Variants in SPIDR observed in about 807,000 individuals in gnomAD.
SPIDR encodes the protein DNA repair-scaffolding protein.
In SPIDR, 93 loss-of-function variants were observed where a neutral mutation model predicts 104.6. The ratio of observed to expected loss-of-function variants is 0.89; its 90% CI spans 0.75 to 1.06. The LOEUF (loss-of-function observed/expected upper bound fraction) is 1.06. SPIDR is among the 50% of genes least tolerant of loss of function. The probability of loss-of-function intolerance (pLI) is 0.00; values close to 1 mark genes in which losing one functional copy is unlikely to be tolerated. For synonymous variants in SPIDR, 431 were observed against 416.9 expected (o/e 1.03, Z -0.41); for missense variants, 1,154 against 1,111.2 (o/e 1.04, Z -0.55).
At chr8:47,528,589 A>G (rs546771497) in intron 8 of SPIDR, among the ~76,000 whole-genome samples, 1 of 152,284 alleles carries the variant, frequency 6.6e-6, no homozygotes, top group South Asian at 2.1e-4. Context: ...TGGGTGAAGG[A>G]GAGAAATGGA....
At chr8:47,345,427 G>A (rs2051738549) in intron 5 of SPIDR, among the ~76,000 whole-genome samples, 1 of 152,166 alleles carries the variant, frequency 6.6e-6, no homozygotes, top group Admixed American at 6.5e-5. Flanking sequence ...TTTGGCTTAG[G>A]ATTGACTTGG....
chr8:47,575,468 C>T (rs1357590778), intron 8 of SPIDR, among the ~76,000 whole-genome samples: 1 of 150,114 alleles, frequency 6.7e-6, no homozygotes, highest in Non-Finnish European at 1.5e-5. Context: ...ACGGTGAAAC[C>T]CCGTCTCTAC....
chr8:47,333,778 C>G (rs1056162483), intron 5 of SPIDR, among the ~76,000 whole-genome samples: 6 of 152,318 alleles, frequency 3.9e-5, no homozygotes, highest in East Asian at 3.9e-4. Context: ...ATGCATTGCA[C>G]TATAAGGTTA....
At chr8:47,539,544 T>G (rs2087682477) in intron 8 of SPIDR, among the ~76,000 whole-genome samples, 1 of 152,192 alleles carries the variant, frequency 6.6e-6, no homozygotes, top group African/African-American at 2.4e-5. Context: ...ATTGAACACT[T>G]TTTCAAGCAT....
Position 47,685,513 on chromosome 8 carries a change from A to ATT in SPIDR, c.1685+11574_1685+11575dup, listed in dbSNP as rs376980650. On this transcript the variant is annotated intron_variant, in intron 11 of 19. Coordinates refer to ENST00000297423, the MANE Select transcript of SPIDR (RefSeq NM_001080394.4). ...TATTTATTTATTTATTTATTTATTT[A>ATT]TTTATTTTTTTGAGACAGTCTCTCT... Among the ~76,000 whole-genome samples, 17 of 121,048 alleles carry ATT rather than the reference A, an allele frequency of 1.4e-4. 2 individuals carry two copies. The East Asian group carries it at 1.9e-3, about 13-fold the overall frequency. The allele number at this position is 121,048 out of a possible 152,430, so 79.4% of individuals were successfully genotyped here.
At chr8:47,532,039 T>A (rs558427265) in intron 8 of SPIDR, among the ~76,000 whole-genome samples, 1 of 149,604 alleles carries the variant, frequency 6.7e-6, no homozygotes, top group East Asian at 2.0e-4. Context: ...TGAACTCTAA[T>A]TAAAAGACAA....
chr8:47,690,119 G>A (rs1395401889), intron 11 of SPIDR, among the ~76,000 whole-genome samples: 1 of 152,116 alleles, frequency 6.6e-6, no homozygotes, highest in Non-Finnish European at 1.5e-5. Flanking sequence ...TGGTAGTGTG[G>A]GTTTTTCCAC....
intron 5 of SPIDR, among the ~76,000 whole-genome samples, chr8:47,302,960 C>A (rs965230209): frequency 6.6e-6 from 1 of 152,236 alleles, no homozygotes; most frequent in Non-Finnish European, 1.5e-5. Context: ...AGAACCACTA[C>A]TCTCTTCAAA....
Position 47,440,402 on chromosome 8 carries a change from G to T in SPIDR, c.957G>T (p.Gln319His). 1 of 1,614,242 alleles carries T rather than the reference G, an allele frequency of 6.2e-7. No homozygotes were observed. The highest frequency in any genetic ancestry group is 1.1e-5 in the South Asian group (1 of 91,088). ...ECAMQVAMCE[Q>H]LLGSPATSSS... ...CCATGCAAGTTGCCATGTGTGAGCAGTTATTGGGGTCACCAGCCACCAGCT... is the reference window on the plus strand; with the variant it reads ...CCATGCAAGTTGCCATGTGTGAGCATTTATTGGGGTCACCAGCCACCAGCT... Residue 319 changes from glutamine (Q) to histidine (H), a missense_variant, in exon 8 of 20, where the codon CAG becomes CAT. Physicochemically the swap from Gln to His is conservative, Grantham distance 24 (BLOSUM62 0). Coordinates refer to ENST00000297423, the MANE Select transcript of SPIDR (RefSeq NM_001080394.4).
At chr8:47,663,023 G>C (rs2074363773) in intron 10 of SPIDR, among the ~76,000 whole-genome samples, 1 of 152,220 alleles carries the variant, frequency 6.6e-6, no homozygotes, top group Non-Finnish European at 1.5e-5. Flanking sequence ...TGTTAGAGCA[G>C]CTCAAATGGA....
At position 47,715,429 on chromosome 8, in the gene SPIDR, G is replaced by A. The variant is rs892340821; in HGVS notation, c.2341+1788G>A. On this transcript the variant is annotated intron_variant, in intron 16 of 19. Coordinates refer to ENST00000297423, the MANE Select transcript of SPIDR (RefSeq NM_001080394.4). ...TGACCTCAGGTGATCTCCTCTCCTC[G>A]GCCTCCCAAAATGCTGGGATTACAG... Among the ~76,000 whole-genome samples, 6 of 152,050 alleles carry A rather than the reference G, an allele frequency of 3.9e-5. No individual in the cohort carries two copies. The East Asian group carries it at 5.8e-4, about 15-fold the overall frequency.
intron 8 of SPIDR, among the ~76,000 whole-genome samples, chr8:47,594,458 G>T (rs917520575): frequency 3.9e-5 from 6 of 152,082 alleles, no homozygotes; most frequent in South Asian, 2.1e-4. Flanking sequence ...AGCCCAATGA[G>T]GGGGGAAGTC....
intron 16 of SPIDR, among the ~76,000 whole-genome samples, chr8:47,723,554 T>C (rs1158512332): frequency 1.3e-5 from 2 of 151,504 alleles, no homozygotes; most frequent in African/African-American, 4.8e-5. Flanking sequence ...CTCAGCCTCC[T>C]GAGTAGCTGG....
chr8:47,647,586 C>T lies in SPIDR; in HGVS notation c.1545-26215C>T, dbSNP rs928663173. 5.7e-5 allele frequency among the ~76,000 whole-genome samples: 7 copies of T among 122,880 alleles called. No individual in the cohort carries two copies. In the South Asian group the frequency reaches 1.8e-3, roughly 32 times the overall value. The allele number at this position is 122,880 out of a possible 152,430, so 80.6% of individuals were successfully genotyped here. ...CCGAGATTGCGCCACTGCACTCTAGCCTGGGTGACAGAGTGAGACTCCATC... is the reference window on the plus strand; with the variant it reads ...CCGAGATTGCGCCACTGCACTCTAGTCTGGGTGACAGAGTGAGACTCCATC... On this transcript the variant is annotated intron_variant, in intron 10 of 19. Transcript: ENST00000297423.
intron 8 of SPIDR, among the ~76,000 whole-genome samples, chr8:47,510,524 A>G (rs991913529): frequency 1.3e-5 from 2 of 152,184 alleles, no homozygotes; most frequent in Non-Finnish European, 1.5e-5. Flanking sequence ...TTACAGTTTT[A>G]GAGTTTCATA....
At chr8:47,337,886 A>G (rs1290036056) in intron 5 of SPIDR, among the ~76,000 whole-genome samples, 4 of 152,144 alleles carry the variant, frequency 2.6e-5, no homozygotes, top group African/African-American at 9.7e-5. Flanking sequence ...AAATTAGTTT[A>G]CTGTAGGTGT....
At chr8:47,669,957 G>A (rs889424029) in intron 10 of SPIDR, among the ~76,000 whole-genome samples, 10 of 152,160 alleles carry the variant, frequency 6.6e-5, no homozygotes, top group East Asian at 1.9e-4. Context: ...TCGAGATTAC[G>A]CCACTGCACT....
chr8:47,370,502 A>G (rs1375790161), intron 5 of SPIDR, among the ~76,000 whole-genome samples: 6 of 138,838 alleles, frequency 4.3e-5, no homozygotes, highest in Middle Eastern at 4.0e-3. Flanking sequence ...GCTGGAATGC[A>G]ATGGTGCGAT....
At chr8:47,632,051 A>G (rs1398102714) in intron 10 of SPIDR, among the ~76,000 whole-genome samples, 3 of 152,120 alleles carry the variant, frequency 2.0e-5, no homozygotes, top group African/African-American at 7.2e-5. Flanking sequence ...AATGCAGCAT[A>G]TTTTCAGTTA....
Sources: allele counts gnomAD v4.1 joint callset (sites outside exome capture counted in the v4.1 genomes callset), GRCh38; gene constraint gnomAD v4.1.1; transcripts MANE v1.5; gene names NCBI Gene and HGNC (gene_info 2026-07-23, HGNC 2026-07-21).